The following PUS7L variants were observed in gnomAD, a reference collection of about 807,000 sequenced individuals.
The protein encoded by PUS7L is pseudouridine synthase 7 like.
A neutral mutation model predicts 51.1 loss-of-function variants in PUS7L; 49 were observed. The observed-to-expected ratio is 0.96, with a 90% CI of 0.76 to 1.22. The LOEUF (loss-of-function observed/expected upper bound fraction) is 1.22, where lower values mean the gene tolerates loss of function less well. Among genes scored for constraint, PUS7L ranks in the 50% most tolerant of loss-of-function variants. The probability of loss-of-function intolerance (pLI) is 0.00; values close to 1 mark genes in which losing one functional copy is unlikely to be tolerated. For missense variants in PUS7L, 828 were observed against 820.6 expected, an observed-to-expected ratio of 1.01 and a Z score of -0.11; for synonymous variants, 277 against 276.2, an observed-to-expected ratio of 1.00 and a Z score of -0.03.
chr12:43,754,755 C>T lies in PUS7L; in HGVS notation c.491G>A (p.Gly164Asp), dbSNP rs367870581. ...CCTCTGGTTTTTGTCAAGGATTCTG[C>T]CTATTGAGAATTCAGGAGGTAGTCC... Reference protein sequence around the residue: ...LIGLPPEFSIGRILDKNQRAS... With the variant: ...LIGLPPEFSIDRILDKNQRAS... Residue 164 changes from glycine to aspartate, a missense_variant, in exon 2 of 9, where the codon GGC (glycine) becomes GAC (aspartate). Physicochemically the swap from Gly to Asp is moderately conservative, Grantham distance 94. Coordinates refer to ENST00000344862, the MANE Select transcript of PUS7L (RefSeq NM_031292.5). The T allele has an allele frequency of 2.5e-6, 4 of 1,613,948 alleles. No individual in the cohort carries two copies. Among genetic ancestry groups the T allele is most frequent in the Non-Finnish European group, 3.4e-6 (4 of 1,179,908 alleles).
At chr12:43,745,804 C>A (rs1232413210) in intron 4 of PUS7L, among the ~76,000 whole-genome samples, 1 of 144,536 alleles carries the variant, frequency 6.9e-6, no homozygotes, top group Non-Finnish European at 1.6e-5. Flanking sequence ...CTGGAGGACA[C>A]CATATCCTGC....
At position 43,730,074 on chromosome 12, in the gene PUS7L, G is replaced by C. The variant is rs998819488; in HGVS notation, c.*302C>G. The stretch of plus-strand genomic sequence containing the variant: ...TTTTTTTCTTAAATGTTATCTTGCA[G>C]TATTATATATATTCCTAATGGTTTT... On this transcript the variant is annotated 3_prime_UTR_variant, in exon 9 of 9. Coordinates refer to ENST00000344862, the MANE Select transcript of PUS7L (RefSeq NM_031292.5). 7 of 264,064 alleles carry C rather than the reference G, an allele frequency of 2.7e-5. No homozygotes were observed. The highest frequency in any genetic ancestry group is 9.4e-5 in the Admixed American group (2 of 21,210). 16.4% of individuals were successfully genotyped at this position (264,064 alleles called of 1,614,324 possible).
chr12:43,758,278 G>C, intron 1 of PUS7L: 1 of 980,838 alleles, frequency 1.0e-6, no homozygotes. Flanking sequence ...TAGAAGAGTG[G>C]AACTGACCTG....
rs1172961499 is a variant in PUS7L at position 43,728,461 on chromosome 12, A to C, written c.*1915T>G. 1 of 152,152 alleles carries C rather than the reference A, an allele frequency of 6.6e-6. No individual in the cohort carries two copies. The highest frequency in any genetic ancestry group is 2.4e-5 in the African/African-American group (1 of 41,454). The allele number at this position is 152,152 out of a possible 1,614,324, so 9.4% of individuals were successfully genotyped here. On this transcript the variant is annotated 3_prime_UTR_variant, in exon 9 of 9. Coordinates refer to ENST00000344862, the MANE Select transcript of PUS7L (RefSeq NM_031292.5). ...AATGTATATAACTCATTTTATGATT[A>C]CATTTATAGGATACGATTTATCATA...
chr12:43,731,376 T>C (rs1432710237), intron 8 of PUS7L, among the ~76,000 whole-genome samples: 1 of 152,134 alleles, frequency 6.6e-6, no homozygotes, highest in Admixed American at 6.6e-5. Flanking sequence ...TTATATGACA[T>C]TATTTCAAAG....
intron 7 of PUS7L, among the ~76,000 whole-genome samples, chr12:43,735,902 G>A (rs1189935804): frequency 1.3e-5 from 2 of 151,996 alleles, no homozygotes; most frequent in Non-Finnish European, 2.9e-5. Flanking sequence ...TCAGCCTCCT[G>A]AGTAGCTGGG....
At chr12:43,738,414 CAT>C (rs770321454) in intron 5 of PUS7L, 23 bp from the exon 6 acceptor site, 75 of 1,267,802 alleles carry the variant, frequency 5.9e-5, no homozygotes, top group African/African-American at 4.9e-4. Context: ...AGCAGGTAAA[CAT>C]GTGTTAATGA....
chr12:43,746,762 A>T (rs1399383850), intron 3 of PUS7L, among the ~76,000 whole-genome samples: 1 of 152,206 alleles, frequency 6.6e-6, no homozygotes, highest in Non-Finnish European at 1.5e-5. Flanking sequence ...CTTTATAGCC[A>T]TATTTTCCAC....
chr12:43,752,032 C>T (rs1442385717), intron 2 of PUS7L, among the ~76,000 whole-genome samples: 2 of 152,116 alleles, frequency 1.3e-5, no homozygotes, highest in Non-Finnish European at 2.9e-5. Flanking sequence ...ATCCTTTGCC[C>T]ACTTTTTGAT....
rs1944486584 is a variant in PUS7L, at chr12:43,728,571, T to C, written c.*1805A>G. ...CAATATAACATTAAAATGATGGCAG[T>C]AATCCAAAGAAAATCAATGGTACTA... On this transcript the variant is annotated 3_prime_UTR_variant, in exon 9 of 9. Transcript: ENST00000344862. 6.6e-6 allele frequency: 1 copy of C among 152,122 alleles called. No individual in the cohort carries two copies. The highest frequency in any genetic ancestry group is 6.5e-5 in the Admixed American group (1 of 15,268). The allele number at this position is 152,122 out of a possible 1,614,324, so 9.4% of individuals were successfully genotyped here. A position where few individuals can be genotyped will look rare whatever the true frequency, so the allele number is the denominator to read the frequency against.
In PUS7L at chr12:43,721,009, G is replaced by A. The variant is rs1944391517; in HGVS notation, c.*9367C>T. 2.0e-5 allele frequency: 3 copies of A among 152,134 alleles called. No homozygotes were observed. Among genetic ancestry groups the A allele is most frequent in the South Asian group, 4.1e-4 (2 of 4,826 alleles). 9.4% of individuals were successfully genotyped at this position (152,134 alleles called of 1,614,324 possible). ...TAAAATATAAAATGCTTAGTACACA[G>A]TACTCAATGATTGATAGCTATTGTC... On this transcript the variant is annotated 3_prime_UTR_variant, in exon 9 of 9. Coordinates refer to ENST00000344862, the MANE Select transcript of PUS7L (RefSeq NM_031292.5).
intron 6 of PUS7L, among the ~76,000 whole-genome samples, chr12:43,737,338 A>G (rs1017156394): frequency 5.3e-5 from 8 of 152,274 alleles, no homozygotes; most frequent in Non-Finnish European, 2.9e-5. Flanking sequence ...TATTACTTAA[A>G]TTACTCATAA....
chr12:43,743,691 AG>A (rs547216859), intron 4 of PUS7L, among the ~76,000 whole-genome samples: 2 of 151,588 alleles, frequency 1.3e-5, no homozygotes, highest in Admixed American at 1.3e-4. Context: ...TGAACCCGGG[AG>A]GGGGTGCTTG....
chr12:43,758,664 C>CA (rs1939029172), intron 1 of PUS7L, 66 bp downstream of exon 1: 25 of 713,912 alleles, frequency 3.5e-5, no homozygotes, highest in South Asian at 2.3e-4. Flanking sequence ...ACCCCCCCCC[C>CA]CCACACACAC....
In PUS7L at chr12:43,726,715, C is replaced by G. The variant is rs1241468614; in HGVS notation, c.*3661G>C. On this transcript the variant is annotated 3_prime_UTR_variant, in exon 9 of 9. Coordinates refer to ENST00000344862, the MANE Select transcript of PUS7L (RefSeq NM_031292.5). ...TGGTGGTGGCCACTTGTAATCCCAGCTACTTGAGAGGCTGGGGCAGGAGAA... is the reference window on the plus strand; with the variant it reads ...TGGTGGTGGCCACTTGTAATCCCAGGTACTTGAGAGGCTGGGGCAGGAGAA... The G allele has an allele frequency of 6.6e-6, 1 of 151,986 alleles. No individual in the cohort carries two copies. The highest frequency in any genetic ancestry group is 1.9e-4 in the East Asian group (1 of 5,170). 9.4% of individuals were successfully genotyped at this position (151,986 alleles called of 1,614,324 possible).
intron 4 of PUS7L, among the ~76,000 whole-genome samples, chr12:43,743,459 T>C (rs575680000): frequency 2.6e-5 from 4 of 152,220 alleles, no homozygotes; most frequent in Admixed American, 2.0e-4. Context: ...CTTTATCTCA[T>C]GTCATTTAAA....
intron 5 of PUS7L, among the ~76,000 whole-genome samples, chr12:43,738,658 G>C (rs1400208225): frequency 2.6e-5 from 4 of 151,842 alleles, no homozygotes; most frequent in Non-Finnish European, 5.9e-5. Flanking sequence ...TTCTACTTTT[G>C]TCATTTTTTT....
intron 8 of PUS7L, among the ~76,000 whole-genome samples, chr12:43,730,920 A>G (rs1004224500): frequency 1.3e-5 from 2 of 152,190 alleles, no homozygotes; most frequent in African/African-American, 2.4e-5. Flanking sequence ...ACAATAACTA[A>G]GGTAACCAAC....
rs143728422 is a variant in PUS7L, at chr12:43,745,298, T to A, written c.1263+748A>T. Among the ~76,000 whole-genome samples the A allele has an allele frequency of 1.1e-3, 165 of 152,366 alleles. 2 individuals carry two copies. The highest frequency in any genetic ancestry group is 9.8e-3 in the Admixed American group (150 of 15,306). On this transcript the variant is annotated intron_variant, in intron 4 of 8. Coordinates refer to ENST00000344862, the MANE Select transcript of PUS7L (RefSeq NM_031292.5). ...TTTTTACTGTAAAACATAAAGTTTA[T>A]GATATGTTTGGCTGTGTCCCCACCC...
Sources: gnomAD v4.1 joint callset for allele counts (sites outside exome capture counted in the v4.1 genomes callset) on GRCh38, gnomAD v4.1.1 for gene constraint, MANE v1.5 for transcripts, NCBI Gene and HGNC (gene_info 2026-07-23, HGNC 2026-07-21) for gene names.